The following ARMC9 variants were observed in gnomAD, a reference collection of about 807,000 sequenced individuals.
ARMC9 encodes the protein armadillo repeat containing 9, also known as lisH domain-containing protein ARMC9.
In ARMC9, 94 loss-of-function variants were observed where a neutral mutation model predicts 107.0. The ratio of observed to expected loss-of-function variants is 0.88; its 90% CI spans 0.74 to 1.04. The LOEUF (loss-of-function observed/expected upper bound fraction) is 1.04. Ranked by LOEUF, ARMC9 falls within the 50% of genes least tolerant of loss-of-function variation. ARMC9 has a pLI of 0.00. For synonymous variants in ARMC9, 380 were observed against 396.9 expected, an observed-to-expected ratio of 0.96 and a Z score of 0.51; for missense variants, 942 against 1,030.1, an observed-to-expected ratio of 0.91 and a Z score of 1.17.
chr2:231,211,137 TAC>T (rs757246857), intron 3 of ARMC9, among the ~76,000 whole-genome samples: 35,892 of 146,990 alleles, frequency 0.24, 4,475 homozygotes, highest in African/African-American at 0.32. Context: ...CACAAACACA[TAC>T]ACACACACAC....
chr2:231,273,777 C>T (rs2039537966), intron 14 of ARMC9, among the ~76,000 whole-genome samples: 2 of 152,124 alleles, frequency 1.3e-5, no homozygotes, highest in Admixed American at 1.3e-4. Flanking sequence ...AATATTCCCC[C>T]ATATTAAGCA....
chr2:231,203,667 G>A (rs1203461680), intron 1 of ARMC9, among the ~76,000 whole-genome samples: 1 of 151,928 alleles, frequency 6.6e-6, no homozygotes, highest in African/African-American at 2.4e-5. Flanking sequence ...TCCTGTCTCT[G>A]AAAAAACCAA....
chr2:231,251,674 G>T (rs1003408088), intron 9 of ARMC9, among the ~76,000 whole-genome samples: 1 of 152,218 alleles, frequency 6.6e-6, no homozygotes, highest in Non-Finnish European at 1.5e-5. Context: ...GGGGCAGTCA[G>T]TAGGTATGCT....
intron 6 of ARMC9, among the ~76,000 whole-genome samples, chr2:231,223,192 A>G (rs966302398): frequency 2.0e-5 from 3 of 152,224 alleles, no homozygotes; most frequent in Non-Finnish European, 1.5e-5. Flanking sequence ...GTGACCATCT[A>G]ACTTGTCATT....
At chr2:231,222,163 T>G (rs571748935) in intron 5 of ARMC9, among the ~76,000 whole-genome samples, 1 of 152,368 alleles carries the variant, frequency 6.6e-6, no homozygotes, top group South Asian at 2.1e-4. Flanking sequence ...AAGTCATTAA[T>G]TTTTTCTTCT....
chr2:231,355,851 AC>A lies in ARMC9; in HGVS notation c.2051del (p.Pro684ArgfsTer68). The A allele has an allele frequency of 2.0e-6, 3 of 1,536,016 alleles. No individual in the cohort carries two copies. Among genetic ancestry groups the A allele is most frequent in the Non-Finnish European group, 2.6e-6 (3 of 1,146,882 alleles). On this transcript the variant is annotated frameshift_variant, in exon 22 of 25. Coordinates refer to ENST00000611582, the MANE Select transcript of ARMC9 (RefSeq NM_001352754.2). LOFTEE classifies it high-confidence loss of function. ...ACAGCCCAGCACGCCAGAAACGGCC[AC>A]CCGCAGGCCCTGCCAGCCGCTCACG... ...PQTAQHARNG[H>X]PQALPAAHEA...
intron 20 of ARMC9, among the ~76,000 whole-genome samples, 166 bp from the exon 21 acceptor site, chr2:231,344,809 C>G (rs1352290497): frequency 6.6e-6 from 1 of 152,174 alleles, no homozygotes; most frequent in African/African-American, 2.4e-5. Flanking sequence ...AGGGTTTTTC[C>G]CCACAATTTC....
intron 19 of ARMC9, among the ~76,000 whole-genome samples, chr2:231,323,161 C>G (rs796984587): frequency 6.6e-6 from 1 of 151,908 alleles, no homozygotes; most frequent in Non-Finnish European, 1.5e-5. Context: ...TGCACTCCAA[C>G]GTGAGCTACA....
intron 17 of ARMC9, among the ~76,000 whole-genome samples, chr2:231,283,553 C>A (rs1355271279): frequency 6.6e-6 from 1 of 152,112 alleles, no homozygotes; most frequent in Non-Finnish European, 1.5e-5. Flanking sequence ...TCTCAGCCTC[C>A]CAAGTAGCTG....
Position 231,297,425 on chromosome 2 carries a change from T to G in ARMC9, c.1773+1172T>G, listed in dbSNP as rs1271315982. Among the ~76,000 whole-genome samples, 1 of 152,074 alleles carries G rather than the reference T, an allele frequency of 6.6e-6. No homozygotes were observed. The highest frequency in any genetic ancestry group is 6.6e-5 in the Admixed American group (1 of 15,260). ...TTTAGAACAGGAGTCGGCAGACACT[T>G]TGTGTAAAGGAAAAGATAGGAACTA... is the stretch of plus-strand genomic sequence containing the variant. On this transcript the variant is annotated intron_variant, in intron 19 of 24. Transcript: ENST00000611582. This position sits in a 1 kb window ranked among gnomAD's most constrained non-coding sequence, Gnocchi z 4.2.
intron 8 of ARMC9, among the ~76,000 whole-genome samples, chr2:231,238,374 A>G (rs939615876): frequency 1.3e-5 from 2 of 152,244 alleles, no homozygotes; most frequent in Non-Finnish European, 2.9e-5. Flanking sequence ...TGTTTGAGAC[A>G]GGGTCTCACT....
rs576255465 is a variant in ARMC9, at chr2:231,360,648, G to T, written c.2132-106G>T. 5.1e-5 allele frequency: 77 copies of T among 1,511,606 alleles called. No individual in the cohort carries two copies. In the African/African-American group the frequency reaches 6.5e-4, roughly 13 times the overall value. The allele number at this position is 1,511,606 out of a possible 1,614,324, so 93.6% of individuals were successfully genotyped here. A position where few individuals can be genotyped will look rare whatever the true frequency, so the allele number is the denominator to read the frequency against. On this transcript the variant is annotated intron_variant, in intron 22 of 24. Coordinates refer to ENST00000611582, the MANE Select transcript of ARMC9 (RefSeq NM_001352754.2). The surrounding 1 kb of genome is among the most constrained non-coding windows in gnomAD (Gnocchi z 4.7). ...GGCGCCAGGGAGCCCGCAGGGCCTG[G>T]CCTGGGGTGCGTGCTTTTCTTGGCT...
intron 9 of ARMC9, among the ~76,000 whole-genome samples, chr2:231,249,229 G>A (rs561511496): frequency 4.6e-5 from 7 of 151,954 alleles, no homozygotes; most frequent in African/African-American, 7.3e-5. Context: ...TGCCCATCCC[G>A]CAGGATTTCC....
intron 7 of ARMC9, among the ~76,000 whole-genome samples, chr2:231,233,528 G>A (rs1184446324): frequency 2.6e-5 from 4 of 152,098 alleles, no homozygotes; most frequent in Non-Finnish European, 4.4e-5. Context: ...TGTAATCCCA[G>A]CACTTTGGGG....
At chr2:231,207,145 C>A (rs1397216303) in intron 2 of ARMC9, among the ~76,000 whole-genome samples, 16 of 152,150 alleles carry the variant, frequency 1.1e-4, no homozygotes, top group Admixed American at 1.0e-3. Context: ...GCTGAGACTA[C>A]AGACGTGCAC....
At chr2:231,304,186 C>T (rs138877763) in intron 19 of ARMC9, among the ~76,000 whole-genome samples, 10,676 of 152,102 alleles carry the variant, frequency 0.07, 515 homozygotes, top group Non-Finnish European at 0.11. Flanking sequence ...GCCGAGATCG[C>T]GCCACTGCAC....
Position 231,262,330 on chromosome 2 carries a change from G to C in ARMC9, c.1051G>C (p.Glu351Gln). The change falls in exon 12 of 25, where the codon GAG becomes CAG. Residue 351 changes from glutamate to glutamine, a missense_variant. Transcript: ENST00000611582. The stretch of plus-strand genomic sequence containing the variant: ...GCGCTTGACCACATCCCATCCTGGA[G>C]AGCAGAGGGAGACCGTTCTGCAAGC... Reference protein sequence around the residue: ...RWRLTTSHPGEQRETVLQAYI... With the variant: ...RWRLTTSHPGQQRETVLQAYI... The C allele has an allele frequency of 6.2e-7, 1 of 1,614,156 alleles. No individual in the cohort carries two copies. Among genetic ancestry groups the C allele is most frequent in the Non-Finnish European group, 8.5e-7 (1 of 1,180,032 alleles).
intron 18 of ARMC9, chr2:231,295,059 G>C (rs1332645225): frequency 6.6e-6 from 1 of 152,340 alleles, no homozygotes; most frequent in Non-Finnish European, 1.5e-5. Context: ...TTGATCAAAT[G>C]TGGGTGCACC....
At chr2:231,347,130 C>G (rs1465954257) in intron 21 of ARMC9, among the ~76,000 whole-genome samples, 1 of 152,132 alleles carries the variant, frequency 6.6e-6, no homozygotes, top group East Asian at 1.9e-4. Flanking sequence ...TTTTCCATGC[C>G]TGGGAGCACA....
Sources: allele counts gnomAD v4.1 joint callset (sites outside exome capture counted in the v4.1 genomes callset), GRCh38; gene constraint gnomAD v4.1.1; non-coding constraint Gnocchi (gnomAD v3.1); transcripts MANE v1.5; gene names NCBI Gene and HGNC (gene_info 2026-07-23, HGNC 2026-07-21).